Variants in CPNE4 observed in about 807,000 individuals in gnomAD.
The protein encoded by CPNE4 is copine 4.
Under a neutral mutation model 67.9 loss-of-function variants are expected in CPNE4, and 25 were observed. The observed-to-expected ratio is 0.37, with a 90% CI of 0.27 to 0.51. The LOEUF is 0.51. Ranked by LOEUF, CPNE4 falls within the 20% of genes least tolerant of loss-of-function variation. The pLI is 0.93. For synonymous variants in CPNE4, 242 were observed against 244.9 expected (o/e 0.99, Z 0.11); for missense variants, 464 against 690.8 (o/e 0.67, Z 3.68).
intron 6 of CPNE4, among the ~76,000 whole-genome samples, chr3:131,679,301 G>C (rs2080671478): frequency 1.3e-5 from 2 of 151,844 alleles, no homozygotes; most frequent in Admixed American, 1.3e-4. Context: ...CTCTGATTGT[G>C]TTTATTTGAA....
At chr3:131,674,982 T>C (rs932343523) in intron 6 of CPNE4, among the ~76,000 whole-genome samples, 3 of 152,112 alleles carry the variant, frequency 2.0e-5, no homozygotes, top group Non-Finnish European at 4.4e-5. Context: ...TGTTTTCATA[T>C]ATTCCATAGG....
chr3:131,779,632 T>C (rs145442372), intron 2 of CPNE4, among the ~76,000 whole-genome samples: 3 of 152,128 alleles, frequency 2.0e-5, no homozygotes, highest in Non-Finnish European at 1.5e-5. Flanking sequence ...GCTACCCATA[T>C]GCAGAAGATT....
At chr3:132,002,764 A>G (rs563591491) in intron 1 of CPNE4, among the ~76,000 whole-genome samples, 8 of 152,128 alleles carry the variant, frequency 5.3e-5, no homozygotes, top group Admixed American at 1.3e-4. Flanking sequence ...TTTACATATC[A>G]AAGTGCATAT....
intron 2 of CPNE4, among the ~76,000 whole-genome samples, chr3:131,875,835 A>T (rs908593349): frequency 7.0e-4 from 21 of 30,164 alleles, no homozygotes; most frequent in African/African-American, 1.8e-3. Context: ...AAAGTATAAT[A>T]AAAAAAAGAC....
At chr3:132,030,856 G>A (rs1031183123) in intron 1 of CPNE4, among the ~76,000 whole-genome samples, 13 of 152,190 alleles carry the variant, frequency 8.5e-5, no homozygotes, top group Non-Finnish European at 1.5e-4. Context: ...AAGTTTAGGA[G>A]ATATTCACTG....
intron 4 of CPNE4, among the ~76,000 whole-genome samples, chr3:131,699,124 A>G (rs1274043919): frequency 6.6e-6 from 1 of 152,064 alleles, no homozygotes; most frequent in Non-Finnish European, 1.5e-5. Flanking sequence ...TACCTTTTTC[A>G]AGGTCTCTTA....
At chr3:131,616,985 A>C (rs1940191248) in intron 7 of CPNE4, among the ~76,000 whole-genome samples, 1 of 152,194 alleles carries the variant, frequency 6.6e-6, no homozygotes, top group African/African-American at 2.4e-5. Flanking sequence ...CACAGCTGTA[A>C]CATAGGCTAG....
chr3:131,919,634 T>C (rs2070687124), intron 1 of CPNE4, among the ~76,000 whole-genome samples: 1 of 152,180 alleles, frequency 6.6e-6, no homozygotes, highest in Admixed American at 6.5e-5. Flanking sequence ...CACCCAGCTG[T>C]ATATTTACAA....
At chr3:131,555,125 C>T (rs557828395) in intron 12 of CPNE4, among the ~76,000 whole-genome samples, 23 of 152,132 alleles carry the variant, frequency 1.5e-4, no homozygotes, top group Admixed American at 8.5e-4. Flanking sequence ...TCCATTGTCA[C>T]GGACTTTCCC....
At chr3:131,737,594 C>A (rs2082268406) in intron 2 of CPNE4, among the ~76,000 whole-genome samples, 6 of 152,208 alleles carry the variant, frequency 3.9e-5, no homozygotes, top group African/African-American at 1.4e-4. Context: ...AAGCACAGGG[C>A]TGGGCACTCT....
chr3:131,825,555 C>G (rs768733494), intron 2 of CPNE4, among the ~76,000 whole-genome samples: 1 of 150,084 alleles, frequency 6.7e-6, no homozygotes, highest in Non-Finnish European at 1.5e-5. Context: ...AAGAACAACA[C>G]AAATGATTAA....
intron 2 of CPNE4, 89 bp downstream of exon 2, chr3:131,905,175 A>G (rs3749261): frequency 1.0e-5 from 12 of 1,183,700 alleles, no homozygotes; most frequent in East Asian, 9.6e-5. Flanking sequence ...TATTTCATCA[A>G]AATAAACCAC....
chr3:131,656,053 C>CTTTTTT (rs11360041), intron 7 of CPNE4, among the ~76,000 whole-genome samples: 3 of 131,670 alleles, frequency 2.3e-5, no homozygotes, highest in Non-Finnish European at 1.6e-5. Context: ...AATACTGTTT[C>CTTTTTT]TTTTTTTTTT....
intron 2 of CPNE4, among the ~76,000 whole-genome samples, chr3:131,788,272 T>G (rs1321739407): frequency 6.6e-6 from 1 of 151,962 alleles, no homozygotes; most frequent in East Asian, 1.9e-4. Context: ...CCAGATCAAG[T>G]CATATTCTTA....
chr3:131,900,751 T>C (rs1019514466), intron 2 of CPNE4, among the ~76,000 whole-genome samples: 5 of 152,100 alleles, frequency 3.3e-5, no homozygotes, highest in African/African-American at 1.2e-4. Flanking sequence ...TATATGGATA[T>C]ATTATTACTA....
intron 5 of CPNE4, among the ~76,000 whole-genome samples, chr3:131,692,151 C>A (rs902568075): frequency 6.6e-6 from 1 of 151,978 alleles, no homozygotes; most frequent in African/African-American, 2.4e-5. Context: ...CAGTTCATAC[C>A]CATGACGGTG....
intron 2 of CPNE4, among the ~76,000 whole-genome samples, chr3:131,745,796 T>C (rs1357177325): frequency 2.0e-5 from 3 of 152,142 alleles, no homozygotes; most frequent in Non-Finnish European, 1.5e-5. Context: ...TGATTACTGT[T>C]GCTATATGGT....
chr3:132,019,290 C>T (rs2073946222), intron 1 of CPNE4, among the ~76,000 whole-genome samples: 1 of 152,040 alleles, frequency 6.6e-6, no homozygotes, highest in South Asian at 2.1e-4. Context: ...TTCCAAGCTA[C>T]AGAAACAGTC....
Position 131,581,624 on chromosome 3 carries a change from CT to C in CPNE4, c.821del (p.Lys274ArgfsTer10). 1 of 1,613,748 alleles carries C rather than the reference CT, an allele frequency of 6.2e-7. No homozygotes were observed. The highest frequency in any genetic ancestry group is 8.5e-7 in the Non-Finnish European group (1 of 1,179,686). On this transcript the variant is annotated frameshift_variant, in exon 9 of 16. Transcript: ENST00000429747. LOFTEE classifies it high-confidence loss of function. The stretch of plus-strand genomic sequence containing the variant: ...CAGTGCCTGAGTTCTTGTAATTCTT[CT>C]TCTTGGCTTTGTACTTGGGATTGAT... ...ECINPKYKAK[K>X]KNYKNSGTVI...
Sources: gnomAD v4.1 joint callset for allele counts (sites outside exome capture counted in the v4.1 genomes callset) on GRCh38, gnomAD v4.1.1 for gene constraint, MANE v1.5 for transcripts, NCBI Gene and HGNC (gene_info 2026-07-23, HGNC 2026-07-21) for gene names.